The following SLC9A9 variants were observed in gnomAD, a reference collection of about 807,000 sequenced individuals.
SLC9A9 encodes solute carrier family 9 member A9, also known as sodium/hydrogen exchanger 9.
In SLC9A9, 62 loss-of-function variants were observed where a neutral mutation model predicts 77.8. The observed-to-expected ratio is 0.80, with a 90% CI of 0.65 to 0.98. The LOEUF (loss-of-function observed/expected upper bound fraction) is 0.98, where lower values mean the gene tolerates loss of function less well. Ranked by LOEUF, SLC9A9 falls within the 50% of genes least tolerant of loss-of-function variation. SLC9A9 has a pLI of 0.00. For missense variants in SLC9A9, 775 were observed against 774.9 expected (o/e 1.00, Z 0.00); for synonymous variants, 320 against 283.5 (o/e 1.13, Z -1.29).
chr3:143,552,234 C>T (rs192449826), intron 9 of SLC9A9, 128 bp downstream of exon 9: 10 of 659,048 alleles, frequency 1.5e-5, no homozygotes, highest in Middle Eastern at 4.2e-4. Flanking sequence ...ATATCCAACT[C>T]GTAATGAAGC....
intron 12 of SLC9A9, among the ~76,000 whole-genome samples, chr3:143,432,947 A>G (rs548400408): frequency 3.3e-5 from 5 of 152,276 alleles, no homozygotes; most frequent in Admixed American, 6.5e-5. Context: ...TTTTATTCCA[A>G]CTGAAGGCAT....
At chr3:143,364,769 G>A (rs2032853848) in intron 13 of SLC9A9, among the ~76,000 whole-genome samples, 1 of 152,172 alleles carries the variant, frequency 6.6e-6, no homozygotes, top group South Asian at 2.1e-4. Context: ...TAAAATGGCT[G>A]AAGCAGAGAC....
chr3:143,672,667 T>C (rs1280492700), intron 5 of SLC9A9, among the ~76,000 whole-genome samples: 1 of 152,178 alleles, frequency 6.6e-6, no homozygotes, highest in Admixed American at 6.5e-5. Flanking sequence ...GCCATCTTCC[T>C]CAAGGCTAAG....
At chr3:143,412,310 G>A (rs2034110837) in intron 12 of SLC9A9, among the ~76,000 whole-genome samples, 1 of 151,770 alleles carries the variant, frequency 6.6e-6, no homozygotes, top group Non-Finnish European at 1.5e-5. Flanking sequence ...AAAGACAGGG[G>A]GCAAGGGCTG....
chr3:143,626,618 G>C (rs1359517325), intron 6 of SLC9A9, among the ~76,000 whole-genome samples: 1 of 151,974 alleles, frequency 6.6e-6, no homozygotes, highest in African/African-American at 2.4e-5. Flanking sequence ...GCTTGTTGTG[G>C]GGTGGGGGGA....
At chr3:143,320,700 T>C (rs1229829529) in intron 14 of SLC9A9, among the ~76,000 whole-genome samples, 2 of 152,216 alleles carry the variant, frequency 1.3e-5, no homozygotes, top group Non-Finnish European at 1.5e-5. Context: ...ACTTCCAACA[T>C]TGGGAATCGC....
intron 4 of SLC9A9, among the ~76,000 whole-genome samples, chr3:143,696,040 A>G (rs1178933285): frequency 6.6e-6 from 1 of 152,062 alleles, no homozygotes; most frequent in African/African-American, 2.4e-5. Context: ...TAGATTCTGG[A>G]TATTAGCCCT....
At chr3:143,351,556 G>A (rs181814377) in intron 14 of SLC9A9, among the ~76,000 whole-genome samples, 10 of 152,086 alleles carry the variant, frequency 6.6e-5, no homozygotes, top group Admixed American at 2.6e-4. Flanking sequence ...AGTTGATGGT[G>A]GGGGGGAGTA....
At chr3:143,668,958 A>G (rs1353284251) in intron 5 of SLC9A9, among the ~76,000 whole-genome samples, 2 of 152,318 alleles carry the variant, frequency 1.3e-5, no homozygotes, top group African/African-American at 4.8e-5. Flanking sequence ...ATCCTGCCCA[A>G]GAGGCACCTG....
At chr3:143,564,536 G>C (rs1209104613) in intron 8 of SLC9A9, among the ~76,000 whole-genome samples, 1 of 152,106 alleles carries the variant, frequency 6.6e-6, no homozygotes, top group East Asian at 1.9e-4. Flanking sequence ...CTAGTAAAAA[G>C]AGACATTTCT....
intron 9 of SLC9A9, among the ~76,000 whole-genome samples, chr3:143,499,179 A>G (rs1414150815): frequency 1.3e-5 from 2 of 152,214 alleles, no homozygotes; most frequent in African/African-American, 4.8e-5. Context: ...TTAGGAATCA[A>G]CTTTTCAATT....
intron 11 of SLC9A9, among the ~76,000 whole-genome samples, chr3:143,468,122 T>A (rs112099198): frequency 4.0e-4 from 61 of 152,224 alleles, no homozygotes; most frequent in Non-Finnish European, 6.8e-4. Context: ...CAAGAAAGGA[T>A]GCTAAAATTT....
chr3:143,483,885 C>T (rs2035612124), intron 11 of SLC9A9, among the ~76,000 whole-genome samples: 5 of 152,036 alleles, frequency 3.3e-5, no homozygotes, highest in Admixed American at 2.6e-4. Context: ...TGAGCCAAGC[C>T]CAGCTTTCTC....
chr3:143,674,383 G>T (rs1462140726), intron 5 of SLC9A9, among the ~76,000 whole-genome samples: 1 of 152,100 alleles, frequency 6.6e-6, no homozygotes, highest in East Asian at 1.9e-4. Flanking sequence ...TATTTTTAGT[G>T]GAAGGCTCCT....
At chr3:143,814,138 G>A (rs752417202) in intron 2 of SLC9A9, among the ~76,000 whole-genome samples, 2 of 152,202 alleles carry the variant, frequency 1.3e-5, no homozygotes, top group Non-Finnish European at 2.9e-5. Flanking sequence ...CTATGTTTCT[G>A]CACCTGGGTG....
chr3:143,551,195 TAAGA>T (rs2036876622), intron 9 of SLC9A9, among the ~76,000 whole-genome samples: 1 of 152,194 alleles, frequency 6.6e-6, no homozygotes, highest in African/African-American at 2.4e-5. Context: ...TTCCAGAGGC[TAAGA>T]GAGAGAGAGA....
intron 2 of SLC9A9, among the ~76,000 whole-genome samples, chr3:143,803,477 C>T (rs1449805050): frequency 1.3e-5 from 2 of 152,112 alleles, no homozygotes; most frequent in African/African-American, 2.4e-5. Flanking sequence ...TTTACACTGC[C>T]GGTTTACACT....
At chr3:143,795,117 T>C (rs1263434921) in intron 3 of SLC9A9, 40 bp from the exon 4 acceptor site, 1 of 1,565,746 alleles carries the variant, frequency 6.4e-7, no homozygotes, top group South Asian at 1.1e-5. Context: ...TACATCAGAA[T>C]TTTTTCTTAG....
At chr3:143,467,268 T>G (rs1359889634) in intron 11 of SLC9A9, 78 bp from the exon 12 acceptor site, 3 of 1,537,698 alleles carry the variant, frequency 2.0e-6, no homozygotes, top group Non-Finnish European at 2.7e-6. Context: ...CTTTACAATT[T>G]GCTGACACAA....
Sources: allele counts gnomAD v4.1 joint callset (sites outside exome capture counted in the v4.1 genomes callset), GRCh38; gene constraint gnomAD v4.1.1; transcripts MANE v1.5; gene names NCBI Gene and HGNC (gene_info 2026-07-23, HGNC 2026-07-21).